Variants in EDARADD observed in about 807,000 individuals in gnomAD.
EDARADD encodes EDAR associated via death domain, also known as ectodysplasin-A receptor-associated adapter protein.
EDARADD carries 20 observed loss-of-function variants against 25.6 expected under a neutral mutation model. The ratio of observed to expected loss-of-function variants is 0.78; its 90% CI spans 0.55 to 1.14. EDARADD has a LOEUF of 1.14. EDARADD is among the 50% of genes most tolerant of loss of function. The pLI is 0.00. For missense variants in EDARADD, 225 were observed against 270.1 expected (o/e 0.83, Z 1.17); for synonymous variants, 86 against 94.4 (o/e 0.91, Z 0.52).
At position 236,484,807 on chromosome 1, in the gene EDARADD, G is replaced by A. The variant is rs1001833182; in HGVS notation, c.*2158G>A. On this transcript the variant is annotated 3_prime_UTR_variant, in exon 6 of 6. Transcript: ENST00000334232. The surrounding 1 kb of genome is among the most constrained non-coding windows in gnomAD (Gnocchi z 4.1). The stretch of plus-strand genomic sequence containing the variant: ...AGTCATGTAATTGGCCCAAATCACC[G>A]GAGCCACGTGACCCTCCAGTGTCAT... 3.7e-5 allele frequency: 7 copies of A among 189,974 alleles called. No homozygotes were observed. The highest frequency in any genetic ancestry group is 2.5e-3 in the Middle Eastern group (1 of 408). The allele number at this position is 189,974 out of a possible 1,614,324, so 11.8% of individuals were successfully genotyped here. A position where few individuals can be genotyped will look rare whatever the true frequency, so the allele number is the denominator to read the frequency against.
intron 4 of EDARADD, among the ~76,000 whole-genome samples, chr1:236,447,215 T>TCTTTCTTTCTTTCTTTCCTTTCTTTC (rs1558127454): frequency 1.9e-5 from 1 of 52,764 alleles, no homozygotes; most frequent in Non-Finnish European, 4.6e-5. Context: ...TTTCTTTCTT[T>TCTTTCTTTCTTTCTTTCCTTTCTTTC]CTTTCTTTCC....
intron 2 of EDARADD, among the ~76,000 whole-genome samples, chr1:236,349,959 A>G (rs1412506711): frequency 6.6e-6 from 1 of 152,200 alleles, no homozygotes; most frequent in Non-Finnish European, 1.5e-5. Flanking sequence ...TAAAAATACA[A>G]AAACTAGCCG....
chr1:236,429,389 A>T (rs1485514867), intron 4 of EDARADD, among the ~76,000 whole-genome samples: 21 of 146,116 alleles, frequency 1.4e-4, no homozygotes, highest in African/African-American at 3.7e-4. Context: ...TTATTTATTT[A>T]TTTTTTTAGA....
chr1:236,426,891 A>AT (rs1657934007), intron 3 of EDARADD, among the ~76,000 whole-genome samples: 1 of 151,854 alleles, frequency 6.6e-6, no homozygotes, highest in African/African-American at 2.4e-5. Context: ...TCTTATTTTT[A>AT]TTTTTTTGAG....
intron 4 of EDARADD, among the ~76,000 whole-genome samples, chr1:236,436,969 C>T (rs949822193): frequency 3.9e-5 from 6 of 152,228 alleles, no homozygotes; most frequent in Admixed American, 6.5e-5. Flanking sequence ...CCATTCATCC[C>T]TCCATCTTTC....
At chr1:236,467,880 C>T (rs143660241) in intron 4 of EDARADD, among the ~76,000 whole-genome samples, 1,963 of 152,140 alleles carry the variant, frequency 0.013, 26 homozygotes, top group Non-Finnish European at 0.016. Context: ...ATCTCAGCCA[C>T]CCAAGTAGCT....
intron 3 of EDARADD, among the ~76,000 whole-genome samples, chr1:236,353,678 C>CAA (rs34798233): frequency 0.018 from 1,412 of 78,620 alleles, 44 homozygotes; most frequent in African/African-American, 0.063. Flanking sequence ...ACTCCAACTC[C>CAA]AAAAAAAAAA....
intron 1 of EDARADD, among the ~76,000 whole-genome samples, chr1:236,405,584 C>T (rs968758837): frequency 1.3e-5 from 2 of 152,152 alleles, no homozygotes; most frequent in Non-Finnish European, 2.9e-5. Context: ...TGTTTAAGGC[C>T]AGACTGCTAG....
chr1:236,366,508 T>C (rs763617730), intron 3 of EDARADD, among the ~76,000 whole-genome samples: 11 of 152,136 alleles, frequency 7.2e-5, no homozygotes, highest in Non-Finnish European at 1.0e-4. Flanking sequence ...TCCACACTTG[T>C]GATGATTAGC....
intron 5 of EDARADD, among the ~76,000 whole-genome samples, chr1:236,477,064 A>AAT (rs1223817873): frequency 1.4e-3 from 220 of 152,054 alleles, no homozygotes; most frequent in African/African-American, 4.9e-3. Flanking sequence ...CAAAAAAAAA[A>AAT]AAAAGAAAAA....
At chr1:236,391,913 C>A (rs537870166), upstream of EDARADD, among the ~76,000 whole-genome samples, 4 of 152,314 alleles carry the variant, frequency 2.6e-5, no homozygotes, top group South Asian at 8.3e-4. Flanking sequence ...CCCTGTCAAT[C>A]CGAGATGGTC....
intron 1 of EDARADD, among the ~76,000 whole-genome samples, chr1:236,406,913 G>T (rs1435604163): frequency 3.3e-5 from 5 of 152,210 alleles, no homozygotes; most frequent in Non-Finnish European, 1.5e-5. Context: ...ATTACTTGTT[G>T]CTTGGGCAGT....
At chr1:236,365,101 T>A (rs1007398937) in intron 3 of EDARADD, among the ~76,000 whole-genome samples, 1 of 152,172 alleles carries the variant, frequency 6.6e-6, no homozygotes, top group Admixed American at 6.6e-5. Context: ...TTGGATTTGG[T>A]CAAAAGTTTT....
intron 2 of EDARADD, among the ~76,000 whole-genome samples, chr1:236,411,171 T>A (rs1032983649): frequency 6.6e-6 from 1 of 152,132 alleles, no homozygotes; most frequent in Non-Finnish European, 1.5e-5. Context: ...TAATTACTTC[T>A]CCATGCTGGG....
At chr1:236,405,785 CTTTCT>C (rs761521808) in intron 1 of EDARADD, among the ~76,000 whole-genome samples, 4,703 of 54,032 alleles carry the variant, frequency 0.087, 318 homozygotes, top group African/African-American at 0.099. Flanking sequence ...TTCTTTCTTT[CTTTCT>C]TTTCTTTTTC....
At chr1:236,402,711 C>T (rs1245837109) in intron 1 of EDARADD, among the ~76,000 whole-genome samples, 2 of 151,870 alleles carry the variant, frequency 1.3e-5, no homozygotes, top group Non-Finnish European at 2.9e-5. Context: ...CACACCTGGC[C>T]ATGAGGCACT....
chr1:236,393,133 A>T (rs1667447761), upstream of EDARADD, among the ~76,000 whole-genome samples: 1 of 152,140 alleles, frequency 6.6e-6, no homozygotes, highest in Admixed American at 6.5e-5. Flanking sequence ...AATCCTGCAG[A>T]CACTTGCAGA....
intron 3 of EDARADD, among the ~76,000 whole-genome samples, chr1:236,358,115 C>G (rs1306614888): frequency 2.0e-5 from 3 of 152,200 alleles, no homozygotes; most frequent in Non-Finnish European, 4.4e-5. Context: ...AGGTGTTCCA[C>G]CCAACTTCAC....
At chr1:236,470,711 C>A (rs993967315) in intron 5 of EDARADD, among the ~76,000 whole-genome samples, 1 of 152,038 alleles carries the variant, frequency 6.6e-6, no homozygotes, top group African/African-American at 2.4e-5. Flanking sequence ...GTTCAAGCAG[C>A]TCTCCTGCCT....
Sources: allele counts gnomAD v4.1 joint callset (sites outside exome capture counted in the v4.1 genomes callset), GRCh38; gene constraint gnomAD v4.1.1; non-coding constraint Gnocchi (gnomAD v3.1); transcripts MANE v1.5; gene names NCBI Gene and HGNC (gene_info 2026-07-23, HGNC 2026-07-21).